The following CHD6 variants were observed in gnomAD, a reference collection of about 807,000 sequenced individuals.
CHD6 encodes the protein chromodomain helicase DNA binding protein 6.
Under a neutral mutation model 276.9 loss-of-function variants are expected in CHD6, and 50 were observed. The ratio of observed to expected loss-of-function variants is 0.18; its 90% CI spans 0.14 to 0.23. The LOEUF (loss-of-function observed/expected upper bound fraction) is 0.23, where lower values mean the gene tolerates loss of function less well. Among genes scored for constraint, CHD6 ranks in the 10% least tolerant of loss-of-function variants. The pLI, the probability that CHD6 is intolerant of heterozygous loss-of-function variation, is 1.00. For missense variants in CHD6, 2,564 were observed against 3,365.8 expected (o/e 0.76, Z 5.89); for synonymous variants, 1,173 against 1,229.3 (o/e 0.95, Z 0.96).
chr20:41,500,135 T>G (rs939997980), intron 5 of CHD6, among the ~76,000 whole-genome samples: 1 of 152,190 alleles, frequency 6.6e-6, no homozygotes, highest in South Asian at 2.1e-4. Flanking sequence ...GTGGTTCATA[T>G]GCACAATGAC....
chr20:41,506,573 C>T (rs914226113), intron 5 of CHD6, among the ~76,000 whole-genome samples: 1 of 152,214 alleles, frequency 6.6e-6, no homozygotes, highest in Non-Finnish European at 1.5e-5. Context: ...TTCCATATCA[C>T]CCTTATTCTA....
intron 3 of CHD6, among the ~76,000 whole-genome samples, chr20:41,527,343 C>T (rs1411645372): frequency 2.0e-5 from 3 of 152,116 alleles, no homozygotes; most frequent in Non-Finnish European, 2.9e-5. Context: ...ACTGCTTGAA[C>T]CCGGGAGGTG....
At chr20:41,496,491 A>C (rs531035736) in intron 8 of CHD6, among the ~76,000 whole-genome samples, 47 of 152,330 alleles carry the variant, frequency 3.1e-4, no homozygotes, top group African/African-American at 1.1e-3. Flanking sequence ...CGTGTGCTTT[A>C]GCTACCTCAT....
intron 14 of CHD6, among the ~76,000 whole-genome samples, chr20:41,487,325 A>C (rs2043439950): frequency 6.6e-6 from 1 of 152,230 alleles, no homozygotes; most frequent in Non-Finnish European, 1.5e-5. Context: ...TGAGGGAAGC[A>C]AAAGAAAGCA....
rs543176673 is a variant in CHD6, at chr20:41,420,738, T to C, written c.5897A>G (p.Asp1966Gly). Reference sequence around the variant, plus strand: ...AGTATTGGTTTTACTTTTGAACAGATCTGGGATATAAGCCTTGGGTTTCTC... The same window carrying C: ...AGTATTGGTTTTACTTTTGAACAGACCTGGGATATAAGCCTTGGGTTTCTC... ...EIEKPKAYIP[D>G]LFKSKTNTIA... The change falls in exon 31 of 37, where the codon GAT becomes GGT. Residue 1966 changes from aspartate (D) to glycine (G), a missense_variant. Physicochemically the swap from Asp to Gly is moderately conservative, Grantham distance 94. Transcript: ENST00000373233. 1.2e-6 allele frequency: 2 copies of C among 1,614,250 alleles called. No individual in the cohort carries two copies. Among genetic ancestry groups the C allele is most frequent in the African/African-American group, 1.3e-5 (1 of 75,062 alleles).
At chr20:41,498,336 T>G in intron 6 of CHD6, 110 bp from the exon 7 acceptor site, 1 of 784,330 alleles carries the variant, frequency 1.3e-6, no homozygotes. Flanking sequence ...TAAAGATTTC[T>G]TAAGGCATAT....
intron 1 of CHD6, among the ~76,000 whole-genome samples, chr20:41,618,021 C>T (rs1239678383): frequency 6.8e-6 from 1 of 147,278 alleles, no homozygotes; most frequent in African/African-American, 2.4e-5. Flanking sequence ...CCCGCCCCTG[C>T]GCGCGGCCCG....
intron 5 of CHD6, among the ~76,000 whole-genome samples, 167 bp downstream of exon 5, chr20:41,512,679 T>G (rs1227944547): frequency 6.6e-6 from 1 of 151,958 alleles, no homozygotes; most frequent in Non-Finnish European, 1.5e-5. Context: ...CTGAGCACAG[T>G]AAGGAGTCTG....
intron 24 of CHD6, 88 bp downstream of exon 24, chr20:41,447,794 T>G (rs1466467037): frequency 1.1e-6 from 1 of 902,728 alleles, no homozygotes; most frequent in African/African-American, 1.7e-5. Flanking sequence ...ATGGGCCTCT[T>G]TAAGCACAGG....
At chr20:41,518,490 C>T (rs2044306166) in intron 3 of CHD6, among the ~76,000 whole-genome samples, 1 of 152,134 alleles carries the variant, frequency 6.6e-6, no homozygotes, top group Admixed American at 6.6e-5. Flanking sequence ...CTTTCCAAGT[C>T]AAGCCTGAGG....
chr20:41,421,240 G>A lies in CHD6; in HGVS notation c.5395C>T (p.Pro1799Ser). 1 of 1,613,956 alleles carries A rather than the reference G, an allele frequency of 6.2e-7. No individual in the cohort carries two copies. Residue 1799 changes from proline (P) to serine (S), a missense_variant, in exon 31 of 37, where the codon CCT becomes TCT. Physicochemically the swap from Pro to Ser is moderately conservative, Grantham distance 74. Transcript: ENST00000373233. Reference protein sequence around the residue: ...ELCCSEAGQRPENIGQLEAKC... With the variant: ...ELCCSEAGQRSENIGQLEAKC... ...GCTTCCAGCTGGCCAATGTTTTCAG[G>A]TCTCTGTCCTGCCTCACTGCAGCAG...
Position 41,403,823 on chromosome 20 carries a change from G to A in CHD6, c.*770C>T. On this transcript the variant is annotated 3_prime_UTR_variant, in exon 37 of 37. Transcript: ENST00000373233. ...GCAGCGTGTAGCTCTACGGAGCGCG[G>A]GTCCTTGCCCCACCCCCGTCGACAG... 5.7e-6 allele frequency: 6 copies of A among 1,057,308 alleles called. No homozygotes were observed. The highest frequency in any genetic ancestry group is 6.9e-6 in the Non-Finnish European group (6 of 874,310). The allele number at this position is 1,057,308 out of a possible 1,614,324, so 65.5% of individuals were successfully genotyped here. A position where few individuals can be genotyped will look rare whatever the true frequency, so the allele number is the denominator to read the frequency against.
intron 2 of CHD6, among the ~76,000 whole-genome samples, chr20:41,549,680 A>AT (rs1370870472): frequency 6.6e-6 from 1 of 151,988 alleles, no homozygotes; most frequent in Non-Finnish European, 1.5e-5. Flanking sequence ...TTTTGGGTCC[A>AT]TAAAAAAAAA....
At chr20:41,559,661 A>G (rs981591422) in intron 1 of CHD6, among the ~76,000 whole-genome samples, 6 of 152,148 alleles carry the variant, frequency 3.9e-5, no homozygotes, top group Admixed American at 3.3e-4. Context: ...AATGCTGTCA[A>G]TACCAGAAAG....
At chr20:41,469,160 A>C (rs2042997144) in intron 17 of CHD6, among the ~76,000 whole-genome samples, 1 of 152,092 alleles carries the variant, frequency 6.6e-6, no homozygotes, top group South Asian at 2.1e-4. Flanking sequence ...TGGACTCCCA[A>C]CTGACTTCCA....
At chr20:41,533,945 T>C (rs1040017256) in intron 2 of CHD6, among the ~76,000 whole-genome samples, 4 of 152,208 alleles carry the variant, frequency 2.6e-5, no homozygotes, top group African/African-American at 9.6e-5. Flanking sequence ...TGGTGATAGA[T>C]GCCATTAGAA....
At position 41,478,266 on chromosome 20, in the gene CHD6, T is replaced by C. The variant is rs536541979; in HGVS notation, c.2469-4749A>G. 1.7e-4 allele frequency among the ~76,000 whole-genome samples: 26 copies of C among 152,236 alleles called. No individual in the cohort carries two copies. The South Asian group carries it at 2.3e-3, about 13-fold the overall frequency. On this transcript the variant is annotated intron_variant, in intron 16 of 36. Transcript: ENST00000373233. ...TAAGATATCAGACATGAGGCTGATA[T>C]GAAACACACAGCCTCTGCTTCTGGT... is the stretch of plus-strand genomic sequence containing the variant.
intron 1 of CHD6, among the ~76,000 whole-genome samples, chr20:41,582,432 C>T (rs2045550650): frequency 6.6e-6 from 1 of 152,126 alleles, no homozygotes; most frequent in South Asian, 2.1e-4. Flanking sequence ...TAAAGTCATA[C>T]TCCAAATCCT....
intron 2 of CHD6, among the ~76,000 whole-genome samples, chr20:41,540,775 A>G (rs2044926423): frequency 6.6e-6 from 1 of 152,210 alleles, no homozygotes; most frequent in Non-Finnish European, 1.5e-5. Context: ...GTTAGAAATT[A>G]GCTAAACATA....
Sources: gnomAD v4.1 joint callset for allele counts (sites outside exome capture counted in the v4.1 genomes callset) on GRCh38, gnomAD v4.1.1 for gene constraint, MANE v1.5 for transcripts, NCBI Gene and HGNC (gene_info 2026-07-23, HGNC 2026-07-21) for gene names.